Variants in NRG1 observed in about 807,000 individuals in gnomAD.
NRG1 encodes pro-neuregulin-1, membrane-bound isoform.
NRG1 carries 18 observed loss-of-function variants against 63.8 expected under a neutral mutation model. That is an observed-to-expected ratio of 0.28 (90% confidence interval 0.19 to 0.42). The LOEUF (loss-of-function observed/expected upper bound fraction) is 0.42, where lower values mean the gene tolerates loss of function less well. NRG1 is among the 10% of genes least tolerant of loss of function. The pLI is 1.00. For synonymous variants in NRG1, 302 were observed against 301.3 expected (o/e 1.00, Z -0.02); for missense variants, 762 against 814.7 (o/e 0.94, Z 0.79).
chr8:32,659,269 G>A lies in NRG1; in HGVS notation c.502+42384G>A, dbSNP rs751612862. Among the ~76,000 whole-genome samples, 126 of 150,838 alleles carry A rather than the reference G, an allele frequency of 8.4e-4. 1 individual carries two copies. Among genetic ancestry groups the A allele is most frequent in the Non-Finnish European group, 1.6e-3 (111 of 67,876 alleles). ...AACCATTCTCCTGCCTCATTCTCCC[G>A]AGTGCTGGGGCTACAGGCATGCACT... On this transcript the variant is annotated intron_variant, in intron 5 of 11. Coordinates refer to ENST00000356819, the Ensembl canonical transcript of NRG1.
At chr8:32,157,553 G>C (rs1458078578) in intron 1 of NRG1, among the ~76,000 whole-genome samples, 1 of 151,716 alleles carries the variant, frequency 6.6e-6, no homozygotes, top group Non-Finnish European at 1.5e-5. Flanking sequence ...CAGCTACTCG[G>C]TAGGCTGAGG....
At chr8:31,714,279 T>C (rs1812130043) in intron 1 of NRG1, among the ~76,000 whole-genome samples, 1 of 152,202 alleles carries the variant, frequency 6.6e-6, no homozygotes. Flanking sequence ...GCCTTGTTTG[T>C]ACTGTAATTT....
intron 1 of NRG1, among the ~76,000 whole-genome samples, chr8:32,378,095 G>A (rs1373093372): frequency 6.6e-6 from 1 of 152,128 alleles, no homozygotes; most frequent in African/African-American, 2.4e-5. Context: ...AATTCAGGCA[G>A]CAATAATGGG....
At chr8:31,806,478 A>T (rs993720630) in intron 1 of NRG1, among the ~76,000 whole-genome samples, 4 of 152,182 alleles carry the variant, frequency 2.6e-5, no homozygotes, top group Non-Finnish European at 2.9e-5. Context: ...ATTCCATTAC[A>T]ATGTGAAATT....
At chr8:32,289,761 T>C (rs1853970857) in intron 1 of NRG1, among the ~76,000 whole-genome samples, 1 of 152,208 alleles carries the variant, frequency 6.6e-6, no homozygotes, top group Admixed American at 6.6e-5. Flanking sequence ...ATCAATTAGA[T>C]ACTTATAAAT....
At chr8:32,736,857 T>C (rs1825195550) in intron 6 of NRG1, among the ~76,000 whole-genome samples, 1 of 151,924 alleles carries the variant, frequency 6.6e-6, no homozygotes, top group South Asian at 2.1e-4. Flanking sequence ...TTTCTTGGGG[T>C]CCGTGAATAT....
At chr8:32,434,881 A>G (rs1818590846) in intron 1 of NRG1, among the ~76,000 whole-genome samples, 2 of 152,202 alleles carry the variant, frequency 1.3e-5, no homozygotes, top group Admixed American at 1.3e-4. Context: ...AGTAATGTAG[A>G]GACCATGTAA....
intron 1 of NRG1, among the ~76,000 whole-genome samples, chr8:32,536,077 T>C (rs1831937521): frequency 6.6e-6 from 1 of 152,222 alleles, no homozygotes; most frequent in Non-Finnish European, 1.5e-5. Context: ...TGCAATTCAA[T>C]CTTAGCATCT....
At chr8:32,210,541 C>T (rs1844592894) in intron 1 of NRG1, among the ~76,000 whole-genome samples, 1 of 152,142 alleles carries the variant, frequency 6.6e-6, no homozygotes, top group Non-Finnish European at 1.5e-5. Flanking sequence ...CTCTGCCATG[C>T]GAAACTATCT....
At chr8:31,833,277 C>T (rs894216383) in intron 1 of NRG1, among the ~76,000 whole-genome samples, 7 of 152,228 alleles carry the variant, frequency 4.6e-5, no homozygotes, top group African/African-American at 1.7e-4. Flanking sequence ...TCAACAGATA[C>T]AGGTATTTGG....
chr8:32,141,907 T>C (rs1377326907), intron 1 of NRG1, among the ~76,000 whole-genome samples: 1 of 152,042 alleles, frequency 6.6e-6, no homozygotes, highest in Non-Finnish European at 1.5e-5. Flanking sequence ...TTCCTGATGC[T>C]GTAAAGCTGT....
chr8:32,225,615 A>G (rs1055170927), intron 1 of NRG1, among the ~76,000 whole-genome samples: 1 of 152,158 alleles, frequency 6.6e-6, no homozygotes. Flanking sequence ...TATATGCAAT[A>G]CCTCACCCAA....
Position 32,412,453 on chromosome 8 carries a change from CATAT to C in NRG1, c.38-183356_38-183353del, listed in dbSNP as rs368054524. 1.5e-3 allele frequency among the ~76,000 whole-genome samples: 114 copies of C among 76,734 alleles called. 4 individuals are homozygous for C. Among genetic ancestry groups the C allele is most frequent in the Middle Eastern group, 5.7e-3 (1 of 174 alleles). 50.3% of individuals were successfully genotyped at this position (76,734 alleles called of 152,430 possible). A position where few individuals can be genotyped will look rare whatever the true frequency, so the allele number is the denominator to read the frequency against. On this transcript the variant is annotated intron_variant, in intron 1 of 10. Transcript: ENST00000519301. Reference sequence around the variant, plus strand: ...ATATATATATATATATATATATATACATATATATATATATATATATATGAACAGA... The same window carrying C: ...ATATATATATATATATATATATATACATATATATATATATATATGAACAGA...
At chr8:32,537,599 G>A (rs1266669304) in intron 1 of NRG1, among the ~76,000 whole-genome samples, 1 of 152,204 alleles carries the variant, frequency 6.6e-6, no homozygotes, top group Non-Finnish European at 1.5e-5. Context: ...GGCAGGAGCA[G>A]CAGCAGCTGG....
intron 5 of NRG1, among the ~76,000 whole-genome samples, chr8:32,620,783 C>T (rs993036545): frequency 6.6e-6 from 1 of 151,902 alleles, no homozygotes; most frequent in Admixed American, 6.6e-5. Context: ...GGTTGAACCA[C>T]TGCACTCCAG....
At chr8:32,531,038 C>A (rs896613394) in intron 1 of NRG1, among the ~76,000 whole-genome samples, 1 of 151,962 alleles carries the variant, frequency 6.6e-6, no homozygotes, top group African/African-American at 2.4e-5. Context: ...GCAGAGGTTG[C>A]AGTGAGCAGA....
At chr8:32,298,726 AAAAAG>A (rs1326210263) in intron 1 of NRG1, among the ~76,000 whole-genome samples, 7,389 of 137,520 alleles carry the variant, frequency 0.054, 205 homozygotes, top group Non-Finnish European at 0.067. Context: ...AAAAAAAAAA[AAAAAG>A]AAAAGAAAAG....
At chr8:32,350,517 C>T (rs898363636) in intron 1 of NRG1, among the ~76,000 whole-genome samples, 22 of 152,158 alleles carry the variant, frequency 1.4e-4, no homozygotes, top group East Asian at 3.9e-4. Context: ...TTAACAAAGA[C>T]GTGGAATTTC....
chr8:31,919,071 C>T lies in NRG1; in HGVS notation c.37+279640C>T, dbSNP rs546061810. ...ATATCCCCTTTATCATTTTTTATTG[C>T]GTCTATTTGATTCTTCTCTCTTTTT... On this transcript the variant is annotated intron_variant, in intron 1 of 10. Transcript: ENST00000519301. Among the ~76,000 whole-genome samples the T allele has an allele frequency of 1.6e-4, 25 of 151,898 alleles. No homozygotes were observed. In the East Asian group the frequency reaches 1.7e-3, roughly 11 times the overall value.
Sources: gnomAD v4.1 joint callset for allele counts (sites outside exome capture counted in the v4.1 genomes callset) on GRCh38, gnomAD v4.1.1 for gene constraint, MANE v1.5 for transcripts, NCBI Gene and HGNC (gene_info 2026-07-23, HGNC 2026-07-21) for gene names.